The following GPATCH1 variants were observed in gnomAD, a reference collection of about 807,000 sequenced individuals.
GPATCH1 encodes the protein G-patch domain containing 1.
A neutral mutation model predicts 114.9 loss-of-function variants in GPATCH1; 73 were observed. The observed-to-expected ratio is 0.64, with a 90% CI of 0.53 to 0.77. GPATCH1 has a LOEUF of 0.77. Among genes scored for constraint, GPATCH1 ranks in the 30% least tolerant of loss-of-function variants. GPATCH1 has a pLI of 0.00. For missense variants in GPATCH1, 1,058 were observed against 1,144.3 expected (o/e 0.92, Z 1.09); for synonymous variants, 391 against 428.4 (o/e 0.91, Z 1.08).
intron 6 of GPATCH1, 60 bp from the exon 7 acceptor site, chr19:33,096,147 T>C (rs1972655564): frequency 6.4e-7 from 1 of 1,557,146 alleles, no homozygotes; most frequent in Admixed American, 1.8e-5. Flanking sequence ...AATTAGTATT[T>C]TGTGGGTTTA....
In GPATCH1 at chr19:33,106,695, A is replaced by C; in HGVS notation, c.1081A>C (p.Ile361Leu). 6 of 1,611,912 alleles carry C rather than the reference A, an allele frequency of 3.7e-6. No homozygotes were observed. Among genetic ancestry groups the C allele is most frequent in the South Asian group, 1.1e-5 (1 of 91,036 alleles). The change falls in exon 10 of 20, where the codon ATC becomes CTC. Residue 361 changes from isoleucine to leucine, a missense_variant and splice_region_variant. Coordinates refer to ENST00000170564, the MANE Select transcript of GPATCH1 (RefSeq NM_018025.3). ...LASKPLSSKK[I>L]YPPPELPRDY... ...CTGGGTTTTGTCTTGGTTTGTTAAG[A>C]TCTATCCACCTCCAGAGCTGCCAAG...
chr19:33,110,272 C>G (rs1972837547), intron 11 of GPATCH1, among the ~76,000 whole-genome samples: 1 of 152,190 alleles, frequency 6.6e-6, no homozygotes, highest in Non-Finnish European at 1.5e-5. Context: ...GTGGCCGGTA[C>G]TTACAGGCCG....
intron 17 of GPATCH1, 71 bp downstream of exon 17, chr19:33,119,188 CT>C: frequency 1.3e-6 from 1 of 744,588 alleles, no homozygotes; most frequent in Non-Finnish European, 2.2e-6. Flanking sequence ...GACAGTGTGA[CT>C]TAGAGCCGAC....
chr19:33,130,414 T>TAG lies in GPATCH1; in HGVS notation c.*254_*255insAG. ...TTAAAGTGGAATTTTTCTATTTTCT[T>TAG]CTTGATTTTTAAAAAATTTCCTGGG... On this transcript the variant is annotated 3_prime_UTR_variant, in exon 20 of 20. Coordinates refer to ENST00000170564, the MANE Select transcript of GPATCH1 (RefSeq NM_018025.3). 1 of 372,086 alleles carries TAG rather than the reference T, an allele frequency of 2.7e-6. No homozygotes were observed. The highest frequency in any genetic ancestry group is 4.7e-6 in the Non-Finnish European group (1 of 211,036). 23.0% of individuals were successfully genotyped at this position (372,086 alleles called of 1,614,324 possible).
At chr19:33,117,230 C>T (rs929308619) in intron 15 of GPATCH1, among the ~76,000 whole-genome samples, 4 of 152,110 alleles carry the variant, frequency 2.6e-5, no homozygotes, top group Non-Finnish European at 5.9e-5. Context: ...TTCCTCTGTA[C>T]ATAATGATGT....
chr19:33,114,797 C>CTTTTTTTT (rs546074419), intron 15 of GPATCH1, among the ~76,000 whole-genome samples: 13 of 87,202 alleles, frequency 1.5e-4, no homozygotes, highest in South Asian at 4.5e-4. Flanking sequence ...CTATTTCTCT[C>CTTTTTTTT]TTTTTTTTTT....
intron 9 of GPATCH1, among the ~76,000 whole-genome samples, chr19:33,104,395 C>T (rs2145319779): frequency 6.6e-6 from 1 of 151,490 alleles, no homozygotes; most frequent in Middle Eastern, 3.4e-3. Context: ...GTTGTGGACA[C>T]ACTCCTCCTT....
At chr19:33,120,944 C>T (rs1294168120) in intron 17 of GPATCH1, among the ~76,000 whole-genome samples, 1 of 151,140 alleles carries the variant, frequency 6.6e-6, no homozygotes, top group Non-Finnish European at 1.5e-5. Context: ...GAGCCAAGAT[C>T]GCACCACTGC....
chr19:33,089,101 A>G (rs796495857), intron 2 of GPATCH1, among the ~76,000 whole-genome samples: 6 of 152,346 alleles, frequency 3.9e-5, no homozygotes, highest in African/African-American at 1.4e-4. Flanking sequence ...TCCTAATCAG[A>G]TGATTAAATG....
intron 4 of GPATCH1, among the ~76,000 whole-genome samples, chr19:33,093,897 GC>G (rs1972625716): frequency 6.6e-6 from 1 of 152,142 alleles, no homozygotes; most frequent in Non-Finnish European, 1.5e-5. Context: ...GGATTCCCAG[GC>G]CACATGCTTA....
chr19:33,086,979 AAAT>A (rs1016894234), intron 1 of GPATCH1, among the ~76,000 whole-genome samples: 12 of 146,296 alleles, frequency 8.2e-5, no homozygotes, highest in African/African-American at 2.8e-4. Context: ...CAAAAAAAAA[AAAT>A]AAATAAAGTA....
rs536485227 is a variant in GPATCH1 at position 33,110,527 on chromosome 19, C to A, written c.1585+511C>A. Among the ~76,000 whole-genome samples the A allele has an allele frequency of 4.6e-5, 7 of 152,154 alleles. No homozygotes were observed. The South Asian group carries it at 1.5e-3, about 32-fold the overall frequency. Reference sequence around the variant, plus strand: ...GGGGTTGCTGTTGTATGCAGTAGTCCTCGTGAGAGGTTATCAGTAAATTAC... The same window carrying A: ...GGGGTTGCTGTTGTATGCAGTAGTCATCGTGAGAGGTTATCAGTAAATTAC... On this transcript the variant is annotated intron_variant, in intron 11 of 19. Transcript: ENST00000170564.
Position 33,096,415 on chromosome 19 carries a change from A to G in GPATCH1, c.821A>G (p.Asn274Ser). ...GGCGATCTTGGAGAAATTGGACTGA[A>G]TAAAGGAAGAAAATTGGGAATTTCA... ...RAGDLGEIGL[N>S]KGRKLGISGQ... Residue 274 changes from asparagine to serine, a missense_variant, in exon 7 of 20, where the codon AAT becomes AGT. Coordinates refer to ENST00000170564, the MANE Select transcript of GPATCH1 (RefSeq NM_018025.3). 1 of 1,611,952 alleles carries G rather than the reference A, an allele frequency of 6.2e-7. No homozygotes were observed. The highest frequency in any genetic ancestry group is 8.5e-7 in the Non-Finnish European group (1 of 1,179,372).
chr19:33,127,930 C>T (rs1166293322), intron 19 of GPATCH1, among the ~76,000 whole-genome samples: 1 of 151,952 alleles, frequency 6.6e-6, no homozygotes, highest in Admixed American at 6.6e-5. Flanking sequence ...GTTGGCCAGG[C>T]TGGTCTCAAA....
intron 15 of GPATCH1, among the ~76,000 whole-genome samples, chr19:33,116,362 C>T (rs1972915717): frequency 6.6e-6 from 1 of 152,226 alleles, no homozygotes; most frequent in Admixed American, 6.5e-5. Flanking sequence ...ACGTTCCCCT[C>T]ACCTATCATT....
At chr19:33,111,461 G>C (rs970708290) in intron 11 of GPATCH1, among the ~76,000 whole-genome samples, 2 of 151,092 alleles carry the variant, frequency 1.3e-5, no homozygotes, top group African/African-American at 4.9e-5. Context: ...CTGACCTCAA[G>C]TGACCCACCC....
intron 3 of GPATCH1, among the ~76,000 whole-genome samples, chr19:33,092,610 G>A (rs1599852207): frequency 6.6e-6 from 1 of 152,194 alleles, no homozygotes; most frequent in Admixed American, 6.5e-5. Context: ...ACTCTGCAAG[G>A]AAAGAGGAAA....
chr19:33,094,952 C>T (rs535327499), intron 5 of GPATCH1, among the ~76,000 whole-genome samples: 1 of 152,140 alleles, frequency 6.6e-6, no homozygotes, highest in African/African-American at 2.4e-5. Context: ...ATCTTTGAGC[C>T]CAGGTGTTTG....
intron 4 of GPATCH1, 139 bp downstream of exon 4, chr19:33,093,658 G>C (rs762307978): frequency 3.8e-6 from 3 of 789,100 alleles, no homozygotes; most frequent in East Asian, 2.5e-5. Flanking sequence ...GGGGTTTTGC[G>C]TAAAGGATCT....
Sources: allele counts gnomAD v4.1 joint callset (sites outside exome capture counted in the v4.1 genomes callset), GRCh38; gene constraint gnomAD v4.1.1; transcripts MANE v1.5; gene names NCBI Gene and HGNC (gene_info 2026-07-23, HGNC 2026-07-21).